COL6A6: variants seen among roughly 807,000 people sequenced by gnomAD.
COL6A6 encodes collagen alpha-6(VI) chain.
A neutral mutation model predicts 208.6 loss-of-function variants in COL6A6; 183 were observed. The ratio of observed to expected loss-of-function variants is 0.88; its 90% confidence interval spans 0.78 to 0.99. The LOEUF (loss-of-function observed/expected upper bound fraction) is 0.99. Ranked by LOEUF, COL6A6 falls within the 50% of genes least tolerant of loss-of-function variation. COL6A6 has a pLI of 0.00. For missense variants in COL6A6, 2,816 were observed against 2,815.2 expected, an observed-to-expected ratio of 1.00 and a Z score of -0.01; for synonymous variants, 973 against 1,011.8, an observed-to-expected ratio of 0.96 and a Z score of 0.73.
chr3:130,599,550 C>G (rs1039055193), intron 19 of COL6A6, among the ~76,000 whole-genome samples: 2 of 152,172 alleles, frequency 1.3e-5, no homozygotes, highest in Non-Finnish European at 2.9e-5. Context: ...GAAGCCATGT[C>G]ATTAGCATTT....
At chr3:130,516,928 C>T (rs993859958), upstream of COL6A6, among the ~76,000 whole-genome samples, 1 of 152,234 alleles carries the variant, frequency 6.6e-6, no homozygotes, top group Non-Finnish European at 1.5e-5. Flanking sequence ...AGGCGCGTAC[C>T]ATGAAAGCCC....
chr3:130,659,305 G>A (rs773408131), intron 34 of COL6A6, among the ~76,000 whole-genome samples: 19 of 152,258 alleles, frequency 1.2e-4, no homozygotes, highest in African/African-American at 3.6e-4. Flanking sequence ...TGTTTTATAC[G>A]TAATGTATAG....
chr3:130,610,607 C>T lies in COL6A6; in HGVS notation c.4753-42C>T, dbSNP rs182119509. On this transcript the variant is annotated intron_variant, in intron 22 of 36. Transcript: ENST00000358511. Reference sequence around the variant, plus strand: ...AATATTCAATTTAATATTCAATGTTCTCTTTTAGGCAAAAAATAATGCTTT... The same window carrying T: ...AATATTCAATTTAATATTCAATGTTTTCTTTTAGGCAAAAAATAATGCTTT... 313 of 1,404,202 alleles carry T rather than the reference C, an allele frequency of 2.2e-4. 1 individual carries two copies. The African/African-American group carries it at 4.1e-3, about 18-fold the overall frequency. 87.0% of individuals were successfully genotyped at this position (1,404,202 alleles called of 1,614,324 possible). A position where few individuals can be genotyped will look rare whatever the true frequency, so the allele number is the denominator to read the frequency against.
intron 12 of COL6A6, among the ~76,000 whole-genome samples, chr3:130,590,348 C>T (rs1210261095): frequency 1.0e-5 from 1 of 98,032 alleles, no homozygotes; most frequent in Non-Finnish European, 1.9e-5. Flanking sequence ...TTCTAGGGTA[C>T]TTGTGCACAA....
intron 12 of COL6A6, among the ~76,000 whole-genome samples, chr3:130,589,484 G>T (rs1288573543): frequency 6.6e-6 from 1 of 152,252 alleles, no homozygotes; most frequent in East Asian, 1.9e-4. Context: ...CCTCATGTTG[G>T]ATAATGAAAG....
chr3:130,518,813 T>C (rs1710896298), intron 1 of COL6A6, among the ~76,000 whole-genome samples: 1 of 152,104 alleles, frequency 6.6e-6, no homozygotes, highest in Non-Finnish European at 1.5e-5. Context: ...TTCCAAAATA[T>C]TAGAAGTGCA....
intron 10 of COL6A6, among the ~76,000 whole-genome samples, chr3:130,583,858 C>G (rs72994311): frequency 0.042 from 6,355 of 152,212 alleles, 442 homozygotes; most frequent in African/African-American, 0.14. Context: ...TTACACAGGA[C>G]TTCACTTGGT....
At chr3:130,581,948 A>AC in intron 9 of COL6A6, 42 bp from the exon 10 acceptor site, 1 of 1,589,952 alleles carries the variant, frequency 6.3e-7, no homozygotes, top group Non-Finnish European at 8.6e-7. Context: ...ATTGCAATGA[A>AC]CCCTTTTTAA....
intron 32 of COL6A6, among the ~76,000 whole-genome samples, chr3:130,648,153 T>C (rs1180858088): frequency 6.6e-6 from 1 of 152,250 alleles, no homozygotes; most frequent in Non-Finnish European, 1.5e-5. Flanking sequence ...TGCATAAATA[T>C]GCAATTAACA....
chr3:130,524,461 G>A (rs1489211859), intron 1 of COL6A6, among the ~76,000 whole-genome samples: 1 of 152,058 alleles, frequency 6.6e-6, no homozygotes, highest in African/African-American at 2.4e-5. Context: ...ATAGTCACTT[G>A]TAAGTAACAG....
intron 1 of COL6A6, among the ~76,000 whole-genome samples, chr3:130,554,023 A>G (rs558020372): frequency 6.6e-6 from 1 of 152,316 alleles, no homozygotes; most frequent in East Asian, 1.9e-4. Context: ...ATCTGTTATC[A>G]GGCCCCTGGC....
Position 130,634,586 on chromosome 3 carries a change from A to G in COL6A6, c.4993-4A>G. 1.9e-6 allele frequency: 3 copies of G among 1,604,850 alleles called. No homozygotes were observed. Among genetic ancestry groups the G allele is most frequent in the Non-Finnish European group, 2.6e-6 (3 of 1,174,906 alleles). ...GTATAAATCTTTCCTCCTGTCCATT[A>G]CAGGGACAAGAAGGATTCCCTGGAG... is the stretch of plus-strand genomic sequence containing the variant. On this transcript the variant is annotated splice_region_variant and splice_polypyrimidine_tract_variant and intron_variant, in intron 26 of 36. Coordinates refer to ENST00000358511, the MANE Select transcript of COL6A6 (RefSeq NM_001102608.3).
At chr3:130,582,738 C>T (rs1007184875) in intron 10 of COL6A6, among the ~76,000 whole-genome samples, 2 of 152,180 alleles carry the variant, frequency 1.3e-5, no homozygotes, top group African/African-American at 2.4e-5. Flanking sequence ...ACCCAGATCT[C>T]CTTTACTGGC....
At chr3:130,553,729 G>A (rs982756251) in intron 1 of COL6A6, among the ~76,000 whole-genome samples, 2 of 151,768 alleles carry the variant, frequency 1.3e-5, no homozygotes, top group Non-Finnish European at 2.9e-5. Context: ...AAGACACTCT[G>A]GTTTTTTGAG....
intron 19 of COL6A6, among the ~76,000 whole-genome samples, chr3:130,599,105 A>G (rs1334103195): frequency 3.9e-5 from 6 of 152,130 alleles, no homozygotes; most frequent in Non-Finnish European, 7.3e-5. Flanking sequence ...GTAAACCCCA[A>G]TTTTCTTATC....
chr3:130,626,067 A>C (rs1476392593), intron 24 of COL6A6, among the ~76,000 whole-genome samples: 1 of 152,210 alleles, frequency 6.6e-6, no homozygotes, highest in African/African-American at 2.4e-5. Flanking sequence ...ACTAGTCAGA[A>C]GTTAGAAACT....
At position 130,649,564 on chromosome 3, in the gene COL6A6, T is replaced by G; in HGVS notation, c.5733+2T>G. ...CCCTCGGTCAGGCGCGCATTTGCGG[T>G]ATGAGGATGAAACCTTTCACATGAC... On this transcript the variant is annotated splice_donor_variant, in intron 33 of 36. Transcript: ENST00000358511. LOFTEE classifies it high-confidence loss of function. 2.5e-6 allele frequency: 4 copies of G among 1,574,026 alleles called. No individual in the cohort carries two copies. Among genetic ancestry groups the G allele is most frequent in the Non-Finnish European group, 3.4e-6 (4 of 1,160,616 alleles).
chr3:130,585,207 G>A (rs1009063052), intron 10 of COL6A6, among the ~76,000 whole-genome samples: 2 of 152,142 alleles, frequency 1.3e-5, no homozygotes, highest in Non-Finnish European at 2.9e-5. Flanking sequence ...GAAGCTAAAC[G>A]TATTTGATTT....
At chr3:130,648,581 C>A (rs1367292929) in intron 32 of COL6A6, among the ~76,000 whole-genome samples, 2 of 152,224 alleles carry the variant, frequency 1.3e-5, no homozygotes, top group South Asian at 4.1e-4. Context: ...CTCTTTGCGT[C>A]TCATTCTTTG....
Sources: gnomAD v4.1 joint callset for allele counts (sites outside exome capture counted in the v4.1 genomes callset) on GRCh38, gnomAD v4.1.1 for gene constraint, MANE v1.5 for transcripts, NCBI Gene and HGNC (gene_info 2026-07-23, HGNC 2026-07-21) for gene names.